The following KCNAB2 variants were observed in gnomAD, a reference collection of about 807,000 sequenced individuals.
The protein encoded by KCNAB2 is voltage-gated potassium channel subunit beta-2.
A neutral mutation model predicts 63.6 loss-of-function variants in KCNAB2; 29 were observed. That is an observed-to-expected ratio of 0.46 (90% CI 0.34 to 0.62). The LOEUF (loss-of-function observed/expected upper bound fraction) is 0.62. Ranked by LOEUF, KCNAB2 falls within the 20% of genes least tolerant of loss-of-function variation. The pLI is 0.01. For missense variants in KCNAB2, 359 were observed against 563.9 expected (o/e 0.64, Z 3.68); for synonymous variants, 222 against 224.2 (o/e 0.99, Z 0.09).
Position 6,089,040 on chromosome 1 carries a change from A to C in KCNAB2, c.503A>C (p.His168Pro), listed in dbSNP as rs1209197334. ...AETERGLSRK[H>P]IIEGLKASLE... The stretch of plus-strand genomic sequence containing the variant: ...ACGGAGCGGGGCCTGTCCAGGAAGC[A>C]CATAATCGAAGGTGAGGACGCGCTC... The change falls in exon 8 of 16, where the codon CAC (histidine) becomes CCC (proline). Residue 168 changes from histidine (H) to proline (P), a missense_variant. This residue lies in a region of KCNAB2 where 271 missense variants were observed against 476.1 expected (regional missense o/e 0.57). Transcript: ENST00000378083. 1 of 1,549,166 alleles carries C rather than the reference A, an allele frequency of 6.5e-7. No homozygotes were observed. Among genetic ancestry groups the C allele is most frequent in the Non-Finnish European group, 8.7e-7 (1 of 1,146,260 alleles).
intron 1 of KCNAB2, among the ~76,000 whole-genome samples, chr1:6,027,983 A>T (rs1177118629): frequency 6.6e-6 from 1 of 152,224 alleles, no homozygotes; most frequent in African/African-American, 2.4e-5. Context: ...CAAAGTCTGG[A>T]TGGAGCTGTC....
upstream of KCNAB2, among the ~76,000 whole-genome samples, chr1:6,032,158 G>T (rs1330311428): frequency 6.6e-6 from 1 of 152,114 alleles, no homozygotes. Flanking sequence ...GCTCAAACTG[G>T]CAACATACTT....
In KCNAB2 at chr1:6,028,576, A is replaced by G. The variant is rs1659368390; in HGVS notation, c.-52-11941A>G. Reference sequence around the variant, plus strand: ...ATCCCTTCTGCGATGTTCACTAGGCATTACCACATGCTGGTGGCCGCTCTG... The same window carrying G: ...ATCCCTTCTGCGATGTTCACTAGGCGTTACCACATGCTGGTGGCCGCTCTG... On this transcript the variant is annotated intron_variant, in intron 1 of 16. Transcript: ENST00000341524. This position sits in a 1 kb window ranked among gnomAD's most constrained non-coding sequence, Gnocchi z 4.0. Among the ~76,000 whole-genome samples, 1 of 152,206 alleles carries G rather than the reference A, an allele frequency of 6.6e-6. No homozygotes were observed. Among genetic ancestry groups the G allele is most frequent in the Non-Finnish European group, 1.5e-5 (1 of 68,038 alleles).
intron 2 of KCNAB2, among the ~76,000 whole-genome samples, chr1:6,060,717 A>G (rs1389709500): frequency 6.6e-6 from 1 of 152,102 alleles, no homozygotes; most frequent in East Asian, 1.9e-4. Flanking sequence ...ATCCTAGCCA[A>G]CATGCTGAAA....
chr1:6,042,362 C>T (rs573272548), upstream of KCNAB2, among the ~76,000 whole-genome samples: 52 of 152,252 alleles, frequency 3.4e-4, no homozygotes, highest in South Asian at 4.8e-3. Context: ...ACTGATACGA[C>T]GTGGATCAGT....
chr1:6,040,565 C>T, exon 2 of KCNAB2: 5 of 1,613,948 alleles, frequency 3.1e-6, no homozygotes, highest in South Asian at 1.1e-5. Flanking sequence ...GTGAGGCTGG[C>T]TCCATGTATC....
intron 2 of KCNAB2, among the ~76,000 whole-genome samples, chr1:6,058,708 C>T (rs986752539): frequency 1.3e-5 from 2 of 152,182 alleles, no homozygotes; most frequent in African/African-American, 4.8e-5. Flanking sequence ...AGTTCAGTGC[C>T]GCGCAGACAA....
At chr1:6,079,489 C>T (rs961919235) in intron 4 of KCNAB2, among the ~76,000 whole-genome samples, 2 of 151,640 alleles carry the variant, frequency 1.3e-5, no homozygotes, top group South Asian at 2.1e-4. Context: ...ACTGCACTCC[C>T]GCCTGGGCAA....
chr1:6,098,426 C>T lies in KCNAB2; in HGVS notation c.1159-59C>T. 5 of 1,603,592 alleles carry T rather than the reference C, an allele frequency of 3.1e-6. No homozygotes were observed. The South Asian group carries it at 3.3e-5, about 11-fold the overall frequency. Reference sequence around the variant, plus strand: ...CTGGAAGAGCCTGGCCCCACCTCCTCCCCAGGCCAGGCCCGTCTTGTTGGT... The same window carrying T: ...CTGGAAGAGCCTGGCCCCACCTCCTTCCCAGGCCAGGCCCGTCTTGTTGGT... On this transcript the variant is annotated intron_variant, in intron 15 of 15. Coordinates refer to ENST00000378083, the MANE Select transcript of KCNAB2 (RefSeq NM_001199862.2).
chr1:6,004,585 G>A lies in KCNAB2; in HGVS notation c.-53+11797G>A, dbSNP rs991640384. Among the ~76,000 whole-genome samples the A allele has an allele frequency of 6.7e-5, 10 of 149,678 alleles. No homozygotes were observed. The East Asian group carries it at 1.6e-3, about 24-fold the overall frequency. On this transcript the variant is annotated intron_variant, in intron 1 of 16. Transcript: ENST00000341524. ...CCTTGGCTTGTAGAAACACCCCCCC[G>A]AGATTCTGCCCCCATCGCCACATGG... is the stretch of plus-strand genomic sequence containing the variant.
chr1:6,085,952 A>T, intron 6 of KCNAB2: 1 of 985,352 alleles, frequency 1.0e-6, no homozygotes, highest in Non-Finnish European at 1.2e-6. Flanking sequence ...ATGGAGCCCA[A>T]AGGTCGCAGA....
At chr1:6,066,914 A>C (rs1257812667) in intron 2 of KCNAB2, among the ~76,000 whole-genome samples, 2 of 152,224 alleles carry the variant, frequency 1.3e-5, no homozygotes, top group African/African-American at 4.8e-5. Context: ...ACCCGGGCTC[A>C]GCCCCCATCT....
rs1341186576 is a variant in KCNAB2 at position 6,087,926 on chromosome 1, T to C, written c.470+415T>C. On this transcript the variant is annotated intron_variant, in intron 7 of 15. Coordinates refer to ENST00000378083, the MANE Select transcript of KCNAB2 (RefSeq NM_001199862.2). This position sits in a 1 kb window ranked among gnomAD's most constrained non-coding sequence, Gnocchi z 6.4. Reference sequence around the variant, plus strand: ...GCCCAAACCCCCAAAGCACTCCAAATTCCCTGGGCCGCCTGTCACCCCTGC... The same window carrying C: ...GCCCAAACCCCCAAAGCACTCCAAACTCCCTGGGCCGCCTGTCACCCCTGC... 6.6e-6 allele frequency among the ~76,000 whole-genome samples: 1 copy of C among 152,112 alleles called. No individual in the cohort carries two copies. Among genetic ancestry groups the C allele is most frequent in the African/African-American group, 2.4e-5 (1 of 41,436 alleles).
intron 2 of KCNAB2, among the ~76,000 whole-genome samples, chr1:6,064,134 G>A (rs762914924): frequency 9.8e-5 from 15 of 152,306 alleles, no homozygotes; most frequent in East Asian, 9.6e-4. Context: ...GGATTTCTGC[G>A]TCTCACTAGG....
At chr1:6,010,384 C>T (rs1300079276) in intron 1 of KCNAB2, among the ~76,000 whole-genome samples, 3 of 152,038 alleles carry the variant, frequency 2.0e-5, no homozygotes, top group Non-Finnish European at 4.4e-5. Context: ...CTCTTGAACC[C>T]GAGAGTTCAA....
At chr1:6,089,814 C>T (rs1287775867) in intron 8 of KCNAB2, among the ~76,000 whole-genome samples, 1 of 152,258 alleles carries the variant, frequency 6.6e-6, no homozygotes, top group Non-Finnish European at 1.5e-5. Context: ...TCTCCTGCCT[C>T]AGCCTCCTGA....
upstream of KCNAB2, chr1:6,041,218 C>T: frequency 6.4e-6 from 1 of 157,216 alleles, no homozygotes; most frequent in Non-Finnish European, 1.4e-5. Context: ...TCAGCGACAG[C>T]TGCGGAGGGC....
upstream of KCNAB2, among the ~76,000 whole-genome samples, chr1:6,032,573 T>TA (rs35229378): frequency 0.42 from 56,745 of 134,226 alleles, 11,672 homozygotes; most frequent in East Asian, 0.56. Flanking sequence ...GAGACTCTGT[T>TA]AAAAAAAAAA....
chr1:6,012,042 G>C (rs1187330621), intron 1 of KCNAB2, among the ~76,000 whole-genome samples: 1 of 151,976 alleles, frequency 6.6e-6, no homozygotes, highest in African/African-American at 2.4e-5. Flanking sequence ...GGTGAAAGTG[G>C]AGGTGGTGGG....
Sources: gnomAD v4.1 joint callset for allele counts (sites outside exome capture counted in the v4.1 genomes callset) on GRCh38, gnomAD v4.1.1 for gene constraint, gnomAD v4.1.1 regional missense constraint, Gnocchi (gnomAD v3.1) non-coding constraint, MANE v1.5 for transcripts, NCBI Gene and HGNC (gene_info 2026-07-23, HGNC 2026-07-21) for gene names.